SYN3: variants seen among roughly 807,000 people sequenced by gnomAD.
The protein encoded by SYN3 is synapsin-3.
In SYN3, 35 loss-of-function variants were observed where a neutral mutation model predicts 65.8. That is an observed-to-expected ratio of 0.53 (90% CI 0.41 to 0.70). The LOEUF (loss-of-function observed/expected upper bound fraction) is 0.70, where lower values mean the gene tolerates loss of function less well. Among genes scored for constraint, SYN3 ranks in the 30% least tolerant of loss-of-function variants. The probability of loss-of-function intolerance (pLI) is 0.00; values close to 1 mark genes in which losing one functional copy is unlikely to be tolerated. For synonymous variants in SYN3, 270 were observed against 292.9 expected (o/e 0.92, Z 0.80); for missense variants, 680 against 749.0 (o/e 0.91, Z 1.08).
intron 6 of SYN3, among the ~76,000 whole-genome samples, chr22:32,633,987 C>G (rs545315970): frequency 1.5e-4 from 23 of 152,142 alleles, no homozygotes; most frequent in South Asian, 8.3e-4. Context: ...AAATGGACAG[C>G]CTACTTAGAG....
At chr22:32,819,125 A>T (rs74674349) in intron 6 of SYN3, among the ~76,000 whole-genome samples, 6,610 of 152,172 alleles carry the variant, frequency 0.043, 174 homozygotes, top group Non-Finnish European at 0.046. Flanking sequence ...TGCTCAGGGG[A>T]ATTTTGTTTT....
intron 12 of SYN3, among the ~76,000 whole-genome samples, chr22:32,526,766 G>A (rs1003303745): frequency 3.3e-5 from 5 of 152,106 alleles, no homozygotes; most frequent in East Asian, 3.9e-4. Context: ...TGATCCGCCC[G>A]CCTCGGCCTC....
At chr22:32,651,082 G>T (rs996412852) in intron 6 of SYN3, among the ~76,000 whole-genome samples, 3 of 152,150 alleles carry the variant, frequency 2.0e-5, no homozygotes, top group African/African-American at 7.2e-5. Context: ...CAACTGTGAG[G>T]GGTCTGAGGA....
chr22:32,703,638 TAAA>T (rs529566235), intron 6 of SYN3, among the ~76,000 whole-genome samples: 8 of 135,270 alleles, frequency 5.9e-5, no homozygotes, highest in Non-Finnish European at 4.8e-5. Context: ...CTCCATCGCT[TAAA>T]AAAAAAAAAA....
chr22:32,868,841 G>A (rs1395451330), intron 5 of SYN3, 125 bp downstream of exon 5: 2 of 729,418 alleles, frequency 2.7e-6, no homozygotes, highest in Non-Finnish European at 4.1e-6. Flanking sequence ...TCCAAGTTCA[G>A]TTCAGTTGCT....
At chr22:33,022,115 C>T (rs2053570584) in intron 1 of SYN3, among the ~76,000 whole-genome samples, 1 of 152,210 alleles carries the variant, frequency 6.6e-6, no homozygotes, top group South Asian at 2.1e-4. Context: ...TCCCTGTCCC[C>T]CATGTAAACA....
chr22:32,615,312 G>A (rs559610013), intron 6 of SYN3, among the ~76,000 whole-genome samples: 1 of 151,944 alleles, frequency 6.6e-6, no homozygotes, highest in Admixed American at 6.6e-5. Context: ...GCAGGCGCCT[G>A]TAATCCCAGC....
chr22:32,945,878 G>A (rs1046114523), intron 3 of SYN3, among the ~76,000 whole-genome samples: 15 of 152,264 alleles, frequency 9.9e-5, no homozygotes, highest in East Asian at 3.9e-4. Context: ...AAAAGTGGGC[G>A]AAGGATATGA....
intron 7 of SYN3, among the ~76,000 whole-genome samples, chr22:32,575,085 T>A (rs866451439): frequency 6.6e-6 from 1 of 152,226 alleles, no homozygotes; most frequent in South Asian, 2.1e-4. Flanking sequence ...CTGAATTCTA[T>A]GGAGGGAATG....
At chr22:32,528,256 G>A (rs1007395388) in intron 11 of SYN3, among the ~76,000 whole-genome samples, 1 of 152,158 alleles carries the variant, frequency 6.6e-6, no homozygotes, top group Admixed American at 6.5e-5. Flanking sequence ...CAGCAGCCCC[G>A]TCAGTATAAT....
intron 6 of SYN3, among the ~76,000 whole-genome samples, chr22:32,849,129 T>A (rs2048149086): frequency 6.6e-6 from 1 of 152,012 alleles, no homozygotes; most frequent in African/African-American, 2.4e-5. Flanking sequence ...ACAGGAGAAG[T>A]AGGTTTTGGA....
intron 6 of SYN3, among the ~76,000 whole-genome samples, chr22:32,776,638 T>C (rs2045915310): frequency 6.6e-6 from 1 of 152,168 alleles, no homozygotes; most frequent in Non-Finnish European, 1.5e-5. Flanking sequence ...GATGCTCTGT[T>C]TCCTGAGCCA....
At chr22:32,652,609 C>A (rs867074231) in intron 6 of SYN3, among the ~76,000 whole-genome samples, 2 of 151,972 alleles carry the variant, frequency 1.3e-5, no homozygotes, top group East Asian at 1.9e-4. Context: ...GGTGGGGGAC[C>A]AGCAGCTCAA....
rs532398093 is a variant in SYN3 at position 32,550,593 on chromosome 22, T to A, written c.775-8880A>T. Among the ~76,000 whole-genome samples the A allele has an allele frequency of 2.7e-3, 418 of 152,144 alleles. 4 individuals are homozygous for A. Among genetic ancestry groups the A allele is most frequent in the South Asian group, 0.027 (129 of 4,814 alleles). ...TTTAAAATAAAATAAATAAGTGTTG[T>A]AATCTAAGATTTGAATTCAAAATAT... On this transcript the variant is annotated intron_variant, in intron 7 of 13. Transcript: ENST00000358763.
chr22:32,866,901 T>G (rs1036288199), intron 5 of SYN3, among the ~76,000 whole-genome samples: 1 of 152,188 alleles, frequency 6.6e-6, no homozygotes, highest in Admixed American at 6.5e-5. Context: ...TCTAAGGCAG[T>G]GAAAATTTTT....
intron 6 of SYN3, among the ~76,000 whole-genome samples, chr22:32,607,613 C>T (rs912499822): frequency 3.3e-5 from 5 of 152,162 alleles, no homozygotes; most frequent in African/African-American, 1.2e-4. Flanking sequence ...TTAAGTCTGT[C>T]TTGGGAAAAT....
chr22:32,877,730 G>A (rs2049020943), intron 4 of SYN3, among the ~76,000 whole-genome samples: 2 of 152,110 alleles, frequency 1.3e-5, no homozygotes, highest in East Asian at 3.9e-4. Context: ...TTGCCTCGAA[G>A]ACACCCTCCG....
intron 6 of SYN3, among the ~76,000 whole-genome samples, chr22:32,709,091 CTG>C (rs1179829377): frequency 6.6e-6 from 1 of 152,218 alleles, no homozygotes; most frequent in African/African-American, 2.4e-5. Context: ...TCTGGCCACA[CTG>C]TGGTTGGGGC....
intron 6 of SYN3, among the ~76,000 whole-genome samples, chr22:32,627,804 G>C (rs901921748): frequency 6.1e-5 from 9 of 147,252 alleles, no homozygotes; most frequent in Admixed American, 6.0e-4. Context: ...TACAAACACA[G>C]AGGAGCATTT....
Sources: allele counts gnomAD v4.1 joint callset (sites outside exome capture counted in the v4.1 genomes callset), GRCh38; gene constraint gnomAD v4.1.1; transcripts MANE v1.5; gene names NCBI Gene and HGNC (gene_info 2026-07-23, HGNC 2026-07-21).